The following MBNL3 variants were observed in gnomAD, a reference collection of about 807,000 sequenced individuals.
The protein encoded by MBNL3 is muscleblind-like protein 3.
MBNL3 carries 6 observed loss-of-function variants against 24.5 expected under a neutral mutation model. The ratio of observed to expected loss-of-function variants is 0.25; its 90% confidence interval spans 0.13 to 0.48. The LOEUF is 0.48. Among genes scored for constraint, MBNL3 ranks in the 20% least tolerant of loss-of-function variants. The pLI is 0.99. For missense variants in MBNL3, 230 were observed against 293.5 expected, an observed-to-expected ratio of 0.78 and a Z score of 1.58; for synonymous variants, 100 against 101.7, an observed-to-expected ratio of 0.98 and a Z score of 0.10.
chrX:132,439,663 TGG>T lies in MBNL3; in HGVS notation c.-54_-53del. 1 of 1,118,200 alleles carries T rather than the reference TGG, an allele frequency of 8.9e-7. No homozygotes were observed. The highest frequency in any genetic ancestry group is 3.2e-5 in the East Asian group (1 of 31,270). 92.2% of individuals were successfully genotyped at this position (1,118,200 alleles called of 1,213,427 possible). A position where few individuals can be genotyped will look rare whatever the true frequency, so the allele number is the denominator to read the frequency against. ...TACCCTCTTTAGGACAATATTACTG[TGG>T]ACTATTAAAGGATTAAAAATGAATT... On this transcript the variant is annotated 5_prime_UTR_variant, in exon 2 of 9. Transcript: ENST00000370853.
intron 1 of MBNL3, among the ~76,000 whole-genome samples, chrX:132,468,460 GGTGA>G (rs1172608589): frequency 8.9e-6 from 1 of 112,537 alleles, no homozygotes. Flanking sequence ...GTCATTTAAC[GGTGA>G]GTGTGTATGA....
intron 2 of MBNL3, among the ~76,000 whole-genome samples, chrX:132,419,815 C>A (rs1044775797): frequency 2.7e-5 from 3 of 112,058 alleles, no homozygotes; most frequent in Non-Finnish European, 5.6e-5. Flanking sequence ...ACATTATTCA[C>A]AAAATAAAAC....
chrX:132,451,238 G>A (rs751299748), intron 1 of MBNL3, among the ~76,000 whole-genome samples: 126 of 112,677 alleles, frequency 1.1e-3, no homozygotes, highest in Non-Finnish European at 1.3e-3. Context: ...CAGCAGGCAG[G>A]AACGTTTAAG....
intron 1 of MBNL3, among the ~76,000 whole-genome samples, chrX:132,466,872 G>T (rs1410358976): frequency 9.0e-6 from 1 of 111,517 alleles, no homozygotes; most frequent in Non-Finnish European, 1.9e-5. Context: ...AATTCTTATA[G>T]CATGGTCACA....
chrX:132,382,671 G>A (rs922488767), intron 7 of MBNL3, among the ~76,000 whole-genome samples: 1 of 111,941 alleles, frequency 8.9e-6, no homozygotes, highest in Admixed American at 9.4e-5. Context: ...ACAAGTAACT[G>A]GACTGCACAT....
intron 2 of MBNL3, among the ~76,000 whole-genome samples, chrX:132,437,030 G>T (rs1331600964): frequency 9.0e-6 from 1 of 111,413 alleles, no homozygotes; most frequent in African/African-American, 3.3e-5. Context: ...TATCTATTTT[G>T]TCTCTGAATT....
Position 132,379,329 on chromosome X carries a change from C to A in MBNL3, c.*337G>T. The A allele has an allele frequency of 5.2e-6, 1 of 190,582 alleles. No homozygotes were observed. The highest frequency in any genetic ancestry group is 2.2e-4 in the South Asian group (1 of 4,541). The allele number at this position is 190,582 out of a possible 1,213,427, so 15.7% of individuals were successfully genotyped here. A position where few individuals can be genotyped will look rare whatever the true frequency, so the allele number is the denominator to read the frequency against. On this transcript the variant is annotated 3_prime_UTR_variant, in exon 9 of 9. Coordinates refer to ENST00000370853, the MANE Select transcript of MBNL3 (RefSeq NM_001386889.1). ...TCCACCAAGAATGTATATAGTAAGC[C>A]AAAAGCTCACTGTGGAAATACACTT...
intron 1 of MBNL3, among the ~76,000 whole-genome samples, chrX:132,453,392 A>G (rs1355145230): frequency 8.9e-6 from 1 of 111,864 alleles, no homozygotes; most frequent in Non-Finnish European, 1.9e-5. Context: ...GAAAGTAGAT[A>G]AAGGTCAGAG....
At chrX:132,399,253 A>G (rs770438451) in intron 3 of MBNL3, among the ~76,000 whole-genome samples, 1 of 111,838 alleles carries the variant, frequency 8.9e-6, no homozygotes, top group Admixed American at 9.5e-5. Flanking sequence ...CTTTAGGCAG[A>G]TGGCTAGTCC....
chrX:132,476,657 G>T (rs757585396), intron 1 of MBNL3, among the ~76,000 whole-genome samples: 2 of 111,776 alleles, frequency 1.8e-5, no homozygotes, highest in African/African-American at 6.5e-5. Context: ...TATATAAAAC[G>T]TCACAATATT....
chrX:132,474,627 C>T (rs1232246797), intron 1 of MBNL3, among the ~76,000 whole-genome samples: 3 of 111,562 alleles, frequency 2.7e-5, no homozygotes, highest in Admixed American at 9.5e-5. Flanking sequence ...AGAGATGTTG[C>T]GCAAGTAGGG....
chrX:132,445,315 C>T (rs919401435), intron 1 of MBNL3, among the ~76,000 whole-genome samples: 2 of 110,385 alleles, frequency 1.8e-5, no homozygotes, highest in Admixed American at 2.0e-4. Flanking sequence ...AGTTCTATTT[C>T]CCTCACGTGT....
intron 1 of MBNL3, among the ~76,000 whole-genome samples, chrX:132,468,166 A>G (rs1387533201): frequency 1.8e-5 from 2 of 112,445 alleles, no homozygotes; most frequent in African/African-American, 6.5e-5. Flanking sequence ...TTTATGCTTT[A>G]TTTCCTGTGG....
In MBNL3 at chrX:132,443,984, T is replaced by TCCCCCCCCCCC. The variant is rs762809506; in HGVS notation, c.-703-3671_-703-3670insGGGGGGGGGGG. 3.7e-3 allele frequency among the ~76,000 whole-genome samples: 23 copies of TCCCCCCCCCCC among 6,149 alleles called. 7 individuals are homozygous for TCCCCCCCCCCC. The highest frequency in any genetic ancestry group is 5.5e-3 in the African/African-American group (9 of 1,627). The allele number at this position is 6,149 out of a possible 115,157, so 5.3% of individuals were successfully genotyped here. A position where few individuals can be genotyped will look rare whatever the true frequency, so the allele number is the denominator to read the frequency against. ...AAACTCAAGCAGCCTGACTCCAGAG[T>TCCCCCCCCCCC]CCGCCCCCCCCCCCCCCCCCCACCT... On this transcript the variant is annotated intron_variant, in intron 1 of 8. Transcript: ENST00000370853.
chrX:132,389,517 T>A (rs1447432324), intron 5 of MBNL3, among the ~76,000 whole-genome samples: 2 of 111,778 alleles, frequency 1.8e-5, no homozygotes, highest in African/African-American at 3.3e-5. Flanking sequence ...CTCTCTGTTG[T>A]GAATAGGCAA....
intron 1 of MBNL3, among the ~76,000 whole-genome samples, chrX:132,486,593 G>A (rs1948021929): frequency 8.9e-6 from 1 of 112,383 alleles, no homozygotes; most frequent in Non-Finnish European, 1.9e-5. Context: ...TTCTTTGAAT[G>A]TTTAGGTTCT....
Position 132,424,795 on chromosome X carries a change from G to GTT in MBNL3, c.177+14638_177+14639dup, listed in dbSNP as rs772429282. Among the ~76,000 whole-genome samples the GTT allele has an allele frequency of 8.4e-3, 790 of 93,527 alleles. 3 individuals carry two copies. Among genetic ancestry groups the GTT allele is most frequent in the African/African-American group, 0.029 (751 of 26,001 alleles). The allele number at this position is 93,527 out of a possible 115,157, so 81.2% of individuals were successfully genotyped here. On this transcript the variant is annotated intron_variant, in intron 2 of 8. Transcript: ENST00000370853. The stretch of plus-strand genomic sequence containing the variant: ...CTTTCCTCCTTCCTTCTTTCCTTCT[G>GTT]TTTTTTTTTTTTTAAATCTCTGACT...
At chrX:132,403,673 A>G (rs773796698) in intron 3 of MBNL3, among the ~76,000 whole-genome samples, 1 of 111,974 alleles carries the variant, frequency 8.9e-6, no homozygotes, top group East Asian at 2.8e-4. Flanking sequence ...AGCACGATCA[A>G]TAACACTTGA....
intron 1 of MBNL3, among the ~76,000 whole-genome samples, chrX:132,483,531 C>T (rs1422355378): frequency 2.7e-5 from 3 of 112,002 alleles, no homozygotes; most frequent in Admixed American, 9.4e-5. Flanking sequence ...TGCTTTCCTG[C>T]GTAGAAGCTG....
Sources: gnomAD v4.1 joint callset for allele counts (sites outside exome capture counted in the v4.1 genomes callset) on GRCh38, gnomAD v4.1.1 for gene constraint, MANE v1.5 for transcripts, NCBI Gene and HGNC (gene_info 2026-07-23, HGNC 2026-07-21) for gene names.